Variants in TENM4 observed in about 807,000 individuals in gnomAD.
TENM4 encodes teneurin-4.
Under a neutral mutation model 243.3 loss-of-function variants are expected in TENM4, and 82 were observed. The ratio of observed to expected loss-of-function variants is 0.34; its 90% CI spans 0.28 to 0.40. TENM4 has a LOEUF of 0.40. Ranked by LOEUF, TENM4 falls within the 10% of genes least tolerant of loss-of-function variation. The pLI, the probability that TENM4 is intolerant of heterozygous loss-of-function variation, is 1.00. For missense variants in TENM4, 3,138 were observed against 3,673.3 expected (o/e 0.85, Z 3.77); for synonymous variants, 1,412 against 1,456.3 (o/e 0.97, Z 0.69).
At chr11:79,262,186 G>A (rs996973685) in intron 2 of TENM4, among the ~76,000 whole-genome samples, 16 of 152,182 alleles carry the variant, frequency 1.1e-4, no homozygotes, top group Non-Finnish European at 2.1e-4. Flanking sequence ...AGTCTTGGAG[G>A]CTCAGTTTTC....
chr11:79,299,970 C>T (rs764534494), intron 1 of TENM4, among the ~76,000 whole-genome samples: 10 of 152,152 alleles, frequency 6.6e-5, no homozygotes, highest in South Asian at 2.1e-4. Context: ...CTACAAACTA[C>T]GCAGAAACAG....
In TENM4 at chr11:79,438,114, CA is replaced by C. The variant is rs992351027; in HGVS notation, c.-321+2394del. 5.3e-5 allele frequency among the ~76,000 whole-genome samples: 8 copies of C among 151,990 alleles called. No individual in the cohort carries two copies. The highest frequency in any genetic ancestry group is 1.9e-4 in the African/African-American group (8 of 41,382). On this transcript the variant is annotated intron_variant, in intron 1 of 33. Coordinates refer to ENST00000278550, the MANE Select transcript of TENM4 (RefSeq NM_001098816.3). This position sits in a 1 kb window ranked among gnomAD's most constrained non-coding sequence, Gnocchi z 4.1. The stretch of plus-strand genomic sequence containing the variant: ...TCAGGACGCTGGAATGTGGCAAAAA[CA>C]AAACACTCCCCACCCATGCACATCA...
intron 20 of TENM4, among the ~76,000 whole-genome samples, chr11:78,734,636 T>C (rs955313446): frequency 2.0e-5 from 3 of 152,168 alleles, no homozygotes; most frequent in Non-Finnish European, 4.4e-5. Context: ...ATTGGCTTTG[T>C]TGGATGGAGA....
intron 16 of TENM4, among the ~76,000 whole-genome samples, 158 bp downstream of exon 16, chr11:78,786,740 C>T (rs1048451961): frequency 1.3e-5 from 2 of 152,226 alleles, no homozygotes; most frequent in East Asian, 1.9e-4. Flanking sequence ...TAAATCCAAC[C>T]GATGGCTAGG....
chr11:79,298,521 C>CA (rs61373828), intron 1 of TENM4, among the ~76,000 whole-genome samples: 833 of 17,078 alleles, frequency 0.049, 49 homozygotes, highest in Non-Finnish European at 0.064. Flanking sequence ...GACTCCGTCT[C>CA]AAAAAAAAAA....
At chr11:78,951,298 C>G (rs1021599782) in intron 6 of TENM4, among the ~76,000 whole-genome samples, 1 of 152,168 alleles carries the variant, frequency 6.6e-6, no homozygotes. Flanking sequence ...GCACAGGACC[C>G]CACACAGAGC....
At chr11:78,832,190 C>G (rs1361770296) in intron 12 of TENM4, among the ~76,000 whole-genome samples, 1 of 152,206 alleles carries the variant, frequency 6.6e-6, no homozygotes, top group African/African-American at 2.4e-5. Context: ...AGTGCCTTTT[C>G]CTTTCCTTTC....
intron 3 of TENM4, among the ~76,000 whole-genome samples, chr11:79,211,005 G>A (rs775458863): frequency 3.3e-5 from 5 of 151,944 alleles, no homozygotes; most frequent in Non-Finnish European, 5.9e-5. Context: ...ACCTTTCCCC[G>A]GTAGGCACCG....
rs1555048285 is a variant in TENM4, at chr11:79,321,660, A to AAG, written c.-320-24118_-320-24117insCT. On this transcript the variant is annotated intron_variant, in intron 1 of 33. Coordinates refer to ENST00000278550, the MANE Select transcript of TENM4 (RefSeq NM_001098816.3). ...ATTACCAAAAAAAAAAAAAAAAAAAAAAAAGGGAGAGAGAACTTGGGACAT... is the reference window on the plus strand; with the variant it reads ...ATTACCAAAAAAAAAAAAAAAAAAAAAGAAAAGGGAGAGAGAACTTGGGACAT... Among the ~76,000 whole-genome samples the AAG allele has an allele frequency of 3.4e-3, 522 of 151,306 alleles. 6 individuals are homozygous for AAG. The highest frequency in any genetic ancestry group is 0.012 in the African/African-American group (504 of 41,020).
intron 2 of TENM4, among the ~76,000 whole-genome samples, chr11:79,239,099 G>C (rs1332962159): frequency 6.6e-6 from 1 of 152,158 alleles, no homozygotes; most frequent in Non-Finnish European, 1.5e-5. Flanking sequence ...GACAGCTCTG[G>C]TTGCAGAAGG....
intron 9 of TENM4, among the ~76,000 whole-genome samples, chr11:78,864,945 A>G (rs1029914558): frequency 1.3e-5 from 2 of 152,152 alleles, no homozygotes; most frequent in African/African-American, 4.8e-5. Context: ...CTGACCCGCT[A>G]GGGGGGCTAG....
At chr11:79,380,434 A>C (rs536617967) in intron 1 of TENM4, among the ~76,000 whole-genome samples, 16 of 152,294 alleles carry the variant, frequency 1.1e-4, no homozygotes, top group African/African-American at 3.6e-4. Flanking sequence ...GAGAATCTCC[A>C]TCCTTGGGGG....
rs11605101 is a variant in TENM4, at chr11:78,960,498, C to A, written c.494-56975G>T. On this transcript the variant is annotated intron_variant, in intron 6 of 33. Coordinates refer to ENST00000278550, the MANE Select transcript of TENM4 (RefSeq NM_001098816.3). ...GACTTTCACCACATGGCCTTCCATA[C>A]CCTTCCAAGGTTCACACCTATTTAC... 7.3e-3 allele frequency among the ~76,000 whole-genome samples: 1,104 copies of A among 152,228 alleles called. 6 individuals carry two copies. The highest frequency in any genetic ancestry group is 0.012 in the Non-Finnish European group (837 of 68,016).
chr11:78,982,936 T>A (rs1857833938), intron 6 of TENM4, among the ~76,000 whole-genome samples: 1 of 152,222 alleles, frequency 6.6e-6, no homozygotes, highest in Admixed American at 6.5e-5. Flanking sequence ...CCAGGGCAGC[T>A]CTCGCAGTTA....
chr11:79,041,509 TC>T (rs1054929951), intron 6 of TENM4, among the ~76,000 whole-genome samples: 93 of 144,454 alleles, frequency 6.4e-4, no homozygotes, highest in Admixed American at 2.0e-4. Flanking sequence ...AAAAAAAAAA[TC>T]GAAGAAACAA....
chr11:79,142,169 T>C (rs139184630), intron 4 of TENM4, among the ~76,000 whole-genome samples: 40 of 152,086 alleles, frequency 2.6e-4, no homozygotes, highest in African/African-American at 8.9e-4. Context: ...GGCATCCAAA[T>C]TGGAAAGGAA....
intron 6 of TENM4, among the ~76,000 whole-genome samples, chr11:78,940,945 C>T (rs1213032081): frequency 6.6e-6 from 1 of 152,210 alleles, no homozygotes; most frequent in East Asian, 1.9e-4. Context: ...CAAGAGCTGT[C>T]TTCACCTGAG....
At chr11:79,180,900 T>C (rs1863269320) in intron 3 of TENM4, among the ~76,000 whole-genome samples, 1 of 149,102 alleles carries the variant, frequency 6.7e-6, no homozygotes, top group Non-Finnish European at 1.5e-5. Context: ...CATATATATG[T>C]ATGTGTATAT....
intron 3 of TENM4, among the ~76,000 whole-genome samples, chr11:79,192,091 TGG>T (rs1324316428): frequency 5.8e-5 from 6 of 103,500 alleles, no homozygotes; most frequent in African/African-American, 1.4e-4. Flanking sequence ...GGGAGGGAGG[TGG>T]GGGGGGGTCA....
Sources: allele counts gnomAD v4.1 joint callset (sites outside exome capture counted in the v4.1 genomes callset), GRCh38; gene constraint gnomAD v4.1.1; non-coding constraint Gnocchi (gnomAD v3.1); transcripts MANE v1.5; gene names NCBI Gene and HGNC (gene_info 2026-07-23, HGNC 2026-07-21).